DCT: variants seen among roughly 807,000 people sequenced by gnomAD.
The protein encoded by DCT is L-dopachrome tautomerase.
In DCT, 47 loss-of-function variants were observed where a neutral mutation model predicts 53.0. The ratio of observed to expected loss-of-function variants is 0.89; its 90% confidence interval spans 0.70 to 1.13. The LOEUF is 1.13. Among genes scored for constraint, DCT ranks in the 50% most tolerant of loss-of-function variants. The pLI is 0.00. For synonymous variants in DCT, 244 were observed against 237.0 expected (o/e 1.03, Z -0.27); for missense variants, 669 against 637.4 (o/e 1.05, Z -0.53).
chr13:94,448,898 C>T (rs1001002713), intron 6 of DCT, among the ~76,000 whole-genome samples: 1 of 149,704 alleles, frequency 6.7e-6, no homozygotes, highest in East Asian at 1.9e-4. Context: ...AGTGAGACTC[C>T]ATCTCAAAAA....
chr13:94,471,229 GT>G (rs1315432614), intron 1 of DCT, among the ~76,000 whole-genome samples: 1 of 152,138 alleles, frequency 6.6e-6, no homozygotes, highest in Non-Finnish European at 1.5e-5. Flanking sequence ...TTTTCTGATA[GT>G]TAAAGAAAAT....
the DCT span, among the ~76,000 whole-genome samples, chr13:94,486,825 G>A: frequency 6.6e-5 from 10 of 152,016 alleles, no homozygotes; most frequent in African/African-American, 2.4e-4. Flanking sequence ...TATGTTCCTG[G>A]GTTCTGGGAT....
At chr13:94,523,437 G>A in the DCT span, among the ~76,000 whole-genome samples, 3 of 152,168 alleles carry the variant, frequency 2.0e-5, no homozygotes, top group South Asian at 6.2e-4. Context: ...CCCTGAGTCT[G>A]AGGGTTAGTA....
intron 1 of DCT, among the ~76,000 whole-genome samples, chr13:94,476,734 TCCCAAAGGCGTGAGCCACTGCGCTTGGCC>T (rs769998898): frequency 6.6e-6 from 1 of 152,134 alleles, no homozygotes; most frequent in Non-Finnish European, 1.5e-5. Flanking sequence ...AGTGCTTGGC[TCCCAAAGGCGTGAGCCACTGCGCTTGGCC>T]AGCACTTTTT....
chr13:94,529,018 C>A, the DCT span, among the ~76,000 whole-genome samples: 6 of 151,922 alleles, frequency 3.9e-5, no homozygotes, highest in African/African-American at 1.5e-4. Context: ...GACTTTAAAC[C>A]AACAAACATC....
intron 5 of DCT, 61 bp downstream of exon 5, chr13:94,461,949 C>T: frequency 1.4e-6 from 2 of 1,449,408 alleles, no homozygotes; most frequent in Non-Finnish European, 1.9e-6. Flanking sequence ...CAGTTCTTTA[C>T]AATCACAGGC....
upstream of DCT, among the ~76,000 whole-genome samples, chr13:94,482,139 C>A (rs61758411): frequency 5.3e-5 from 8 of 152,182 alleles, no homozygotes; most frequent in Admixed American, 5.2e-4. Context: ...GGTTGCCAAA[C>A]GTGCATGGTG....
chr13:94,480,911 A>G (rs1268835012), upstream of DCT, among the ~76,000 whole-genome samples: 4 of 152,232 alleles, frequency 2.6e-5, no homozygotes, highest in Non-Finnish European at 5.9e-5. Context: ...GGATGACTGA[A>G]AACAACAGAA....
At chr13:94,464,351 A>AT (rs1266536434) in intron 4 of DCT, among the ~76,000 whole-genome samples, 1 of 152,110 alleles carries the variant, frequency 6.6e-6, no homozygotes, top group Admixed American at 6.6e-5. Context: ...AAACATGGGG[A>AT]TTTTGAGGCC....
At chr13:94,460,069 C>T (rs1336943590) in intron 6 of DCT, 22 bp downstream of exon 6, 1 of 1,606,826 alleles carries the variant, frequency 6.2e-7, no homozygotes, top group Admixed American at 1.7e-5. Flanking sequence ...AATTTTCATG[C>T]ATTCTGAATC....
Position 94,439,988 on chromosome 13 carries a change from C to T in DCT, c.1470G>A (p.Leu490=). 6.2e-7 allele frequency: 1 copy of T among 1,613,886 alleles called. No individual in the cohort carries two copies. The highest frequency in any genetic ancestry group is 8.5e-7 in the Non-Finnish European group (1 of 1,179,838). ...GAAGTCTTCTATATTGAAGAAAAGC[C>T]AACAGCACAAAAAGACCAACCAAAG... ...LVALVGLFVL[L]AFLQYRRLRK... Residue 490 remains leucine (L), a synonymous_variant, in exon 8 of 8, where the codon TTG becomes TTA. Coordinates refer to ENST00000377028, the MANE Select transcript of DCT (RefSeq NM_001922.5).
intron 1 of DCT, 137 bp downstream of exon 1, chr13:94,478,824 C>T (rs1014794831): frequency 3.7e-6 from 3 of 805,692 alleles, no homozygotes; most frequent in South Asian, 3.6e-5. Context: ...ATTGAATATG[C>T]TTCCGACCAA....
At chr13:94,453,655 A>G (rs1248044662) in intron 6 of DCT, among the ~76,000 whole-genome samples, 1 of 152,154 alleles carries the variant, frequency 6.6e-6, no homozygotes, top group African/African-American at 2.4e-5. Context: ...AAGGGATGTA[A>G]TTGAATCATG....
At chr13:94,488,541 CTATT>C in the DCT span, among the ~76,000 whole-genome samples, 1 of 152,100 alleles carries the variant, frequency 6.6e-6, no homozygotes, top group South Asian at 2.1e-4. Flanking sequence ...ATGGCGTAAC[CTATT>C]TCTACAAAAA....
intron 6 of DCT, among the ~76,000 whole-genome samples, chr13:94,450,101 C>T (rs1440618964): frequency 6.6e-6 from 1 of 152,136 alleles, no homozygotes; most frequent in African/African-American, 2.4e-5. Context: ...CAAAGAGACC[C>T]AGAGAGCTCC....
At chr13:94,486,729 C>T in the DCT span, among the ~76,000 whole-genome samples, 1 of 152,134 alleles carries the variant, frequency 6.6e-6, no homozygotes, top group African/African-American at 2.4e-5. Flanking sequence ...TTTACCTTGG[C>T]CAGTTATGAA....
At chr13:94,541,012 T>G in the DCT span, among the ~76,000 whole-genome samples, 1 of 152,160 alleles carries the variant, frequency 6.6e-6, no homozygotes, top group African/African-American at 2.4e-5. Context: ...CTGCAGGACA[T>G]TATGTTAAGT....
In DCT at chr13:94,479,320, T is replaced by C; in HGVS notation, c.-65A>G. The C allele has an allele frequency of 7.5e-7, 1 of 1,337,318 alleles. No homozygotes were observed. The highest frequency in any genetic ancestry group is 1.0e-6 in the Non-Finnish European group (1 of 987,748). 82.8% of individuals were successfully genotyped at this position (1,337,318 alleles called of 1,614,324 possible). On this transcript the variant is annotated 5_prime_UTR_variant, in exon 1 of 8. Transcript: ENST00000377028. ...CCTTGTCTCTGTCGTACTTTTCTCC[T>C]TATCTTCTACTCTTTCAGTCTTTTC...
the DCT span, among the ~76,000 whole-genome samples, chr13:94,510,388 C>T: frequency 6.8e-6 from 1 of 147,452 alleles, no homozygotes; most frequent in Non-Finnish European, 1.5e-5. Context: ...ACAGTGACCA[C>T]ATAAGACAAT....
Sources: gnomAD v4.1 joint callset for allele counts (sites outside exome capture counted in the v4.1 genomes callset) on GRCh38, gnomAD v4.1.1 for gene constraint, MANE v1.5 for transcripts, NCBI Gene and HGNC (gene_info 2026-07-23, HGNC 2026-07-21) for gene names.